GPC5: variants seen among roughly 807,000 people sequenced by gnomAD.
The protein encoded by GPC5 is glypican-5.
In GPC5, 47 loss-of-function variants were observed where a neutral mutation model predicts 53.9. The observed-to-expected ratio is 0.87, with a 90% CI of 0.69 to 1.11. The LOEUF (loss-of-function observed/expected upper bound fraction) is 1.11. GPC5 is among the 50% of genes most tolerant of loss of function. The pLI is 0.00. For synonymous variants in GPC5, 286 were observed against 263.3 expected, an observed-to-expected ratio of 1.09 and a Z score of -0.84; for missense variants, 748 against 713.1, an observed-to-expected ratio of 1.05 and a Z score of -0.56.
intron 7 of GPC5, among the ~76,000 whole-genome samples, chr13:92,666,415 CT>C (rs1164163165): frequency 1.1e-4 from 17 of 152,070 alleles, no homozygotes; most frequent in Admixed American, 1.1e-3. Flanking sequence ...AGGATATAAT[CT>C]GGCAATTGCA....
chr13:91,697,262 C>G (rs2035898292), intron 3 of GPC5, among the ~76,000 whole-genome samples: 1 of 152,118 alleles, frequency 6.6e-6, no homozygotes, highest in Non-Finnish European at 1.5e-5. Flanking sequence ...CCTGCCTCAG[C>G]CTCCCAAGTA....
chr13:91,897,115 C>T (rs942910928), intron 5 of GPC5, among the ~76,000 whole-genome samples: 4 of 151,720 alleles, frequency 2.6e-5, no homozygotes, highest in African/African-American at 9.7e-5. Flanking sequence ...TTCCACAGAC[C>T]ATAAAATGGA....
chr13:92,030,747 G>A (rs776541010), intron 6 of GPC5, among the ~76,000 whole-genome samples: 4 of 152,178 alleles, frequency 2.6e-5, no homozygotes, highest in East Asian at 1.9e-4. Flanking sequence ...GCGCACTGGC[G>A]TAGAGCCTCA....
intron 6 of GPC5, among the ~76,000 whole-genome samples, chr13:92,131,258 T>G (rs2041740648): frequency 6.6e-6 from 1 of 151,920 alleles, no homozygotes; most frequent in Non-Finnish European, 1.5e-5. Context: ...AAAACCATAT[T>G]GAAAATTTGT....
intron 7 of GPC5, among the ~76,000 whole-genome samples, chr13:92,429,383 AAATAAT>A (rs530186563): frequency 2.0e-5 from 3 of 151,900 alleles, no homozygotes; most frequent in African/African-American, 7.2e-5. Context: ...AGAAAAATGG[AAATAAT>A]AATAATAATA....
intron 7 of GPC5, among the ~76,000 whole-genome samples, chr13:92,160,859 C>A (rs140733445): frequency 4.5e-4 from 68 of 152,254 alleles, no homozygotes; most frequent in African/African-American, 1.5e-3. Flanking sequence ...AGTCTCTCTC[C>A]TTCACTATTA....
chr13:91,729,970 A>C (rs2036659593), intron 4 of GPC5, among the ~76,000 whole-genome samples: 1 of 152,210 alleles, frequency 6.6e-6, no homozygotes, highest in Non-Finnish European at 1.5e-5. Flanking sequence ...AGGTTTTAAA[A>C]GTATCTATCC....
chr13:92,487,094 G>C (rs955769607), intron 7 of GPC5, among the ~76,000 whole-genome samples: 3 of 152,158 alleles, frequency 2.0e-5, no homozygotes, highest in Non-Finnish European at 4.4e-5. Context: ...GACCTCAGGT[G>C]ATCTGCCTGC....
At chr13:92,397,782 CTTG>C (rs1157555131) in intron 7 of GPC5, among the ~76,000 whole-genome samples, 7 of 152,212 alleles carry the variant, frequency 4.6e-5, no homozygotes, top group Middle Eastern at 3.4e-3. Context: ...TTCCTTTGTC[CTTG>C]TTGTAATGAA....
chr13:91,782,685 AC>A (rs2037817097), intron 5 of GPC5, among the ~76,000 whole-genome samples: 1 of 152,136 alleles, frequency 6.6e-6, no homozygotes, highest in South Asian at 2.1e-4. Flanking sequence ...AATTTATGAA[AC>A]TTTTAGCCTA....
intron 7 of GPC5, among the ~76,000 whole-genome samples, chr13:92,864,671 TA>T (rs1162743543): frequency 4.6e-5 from 7 of 151,628 alleles, no homozygotes; most frequent in East Asian, 1.9e-4. Flanking sequence ...AGTCCCTATT[TA>T]AAAAAAATAA....
At chr13:92,175,408 A>T (rs2042102581) in intron 7 of GPC5, among the ~76,000 whole-genome samples, 1 of 152,198 alleles carries the variant, frequency 6.6e-6, no homozygotes, top group Non-Finnish European at 1.5e-5. Flanking sequence ...CTGATTCTAG[A>T]TTATGTCAAA....
intron 2 of GPC5, among the ~76,000 whole-genome samples, chr13:91,527,369 T>C (rs1360667824): frequency 6.6e-6 from 1 of 152,260 alleles, no homozygotes; most frequent in Non-Finnish European, 1.5e-5. Context: ...TCATTAAATC[T>C]TAAAGCTCCA....
chr13:92,221,706 A>T (rs1250948127), intron 7 of GPC5, among the ~76,000 whole-genome samples: 1 of 147,374 alleles, frequency 6.8e-6, no homozygotes, highest in Non-Finnish European at 1.5e-5. Flanking sequence ...CGCCAACAAT[A>T]TCCATGTTTT....
intron 2 of GPC5, among the ~76,000 whole-genome samples, chr13:91,528,704 C>T (rs1886198656): frequency 6.6e-6 from 1 of 152,200 alleles, no homozygotes; most frequent in Non-Finnish European, 1.5e-5. Context: ...AAAGAACCCC[C>T]TGAGAGTCAG....
chr13:92,306,464 G>A (rs1037413481), intron 7 of GPC5, among the ~76,000 whole-genome samples: 11 of 152,108 alleles, frequency 7.2e-5, no homozygotes, highest in African/African-American at 2.2e-4. Flanking sequence ...TTTGTGACAC[G>A]GAATTGTCTC....
chr13:92,529,324 C>T (rs1359794451), intron 7 of GPC5, among the ~76,000 whole-genome samples: 1 of 152,144 alleles, frequency 6.6e-6, no homozygotes, highest in Non-Finnish European at 1.5e-5. Context: ...AAACAGCCTT[C>T]ACCTTAAGAT....
chr13:92,198,942 A>C (rs1459128974), intron 7 of GPC5, among the ~76,000 whole-genome samples: 1 of 152,214 alleles, frequency 6.6e-6, no homozygotes, highest in Non-Finnish European at 1.5e-5. Context: ...ACAGATGATA[A>C]GTATTTTTCA....
chr13:91,693,707 G>A lies in GPC5; in HGVS notation c.846G>A (p.Leu282=), dbSNP rs1423615200. The A allele has an allele frequency of 6.2e-7, 1 of 1,614,178 alleles. No homozygotes were observed. Among genetic ancestry groups the A allele is most frequent in the Admixed American group, 1.7e-5 (1 of 60,034 alleles). The part of the protein sequence containing the change: ...GYCLNVMRGC[L]AHMAELNPHW... ...GCCTCAATGTCATGCGAGGCTGCCT[G>A]GCGCACATGGCGGAGCTTAATCCAC... The change falls in exon 3 of 8, where the codon CTG becomes CTA. Residue 282 remains leucine (L), a synonymous_variant. Coordinates refer to ENST00000377067, the MANE Select transcript of GPC5 (RefSeq NM_004466.6).
Sources: gnomAD v4.1 joint callset for allele counts (sites outside exome capture counted in the v4.1 genomes callset) on GRCh38, gnomAD v4.1.1 for gene constraint, MANE v1.5 for transcripts, NCBI Gene and HGNC (gene_info 2026-07-23, HGNC 2026-07-21) for gene names.